The following CCDC57 variants were observed in gnomAD, a reference collection of about 807,000 sequenced individuals.
The protein encoded by CCDC57 is coiled-coil domain-containing protein 57.
CCDC57 carries 118 observed loss-of-function variants against 118.9 expected under a neutral mutation model. The observed-to-expected ratio is 0.99, with a 90% CI of 0.86 to 1.16. The LOEUF (loss-of-function observed/expected upper bound fraction) is 1.16. CCDC57 is among the 50% of genes most tolerant of loss of function. The pLI, the probability that CCDC57 is intolerant of heterozygous loss-of-function variation, is 0.00. For missense variants in CCDC57, 1,300 were observed against 1,320.7 expected (o/e 0.98, Z 0.24); for synonymous variants, 527 against 532.9 (o/e 0.99, Z 0.15).
At chr17:82,111,015 G>A (rs1326880050) in intron 19 of CCDC57, among the ~76,000 whole-genome samples, 1 of 152,058 alleles carries the variant, frequency 6.6e-6, no homozygotes, top group African/African-American at 2.4e-5. Context: ...ATATGTGCAG[G>A]AGTAGAAATA....
intron 16 of CCDC57, among the ~76,000 whole-genome samples, chr17:82,149,723 G>T (rs1448032374): frequency 6.6e-6 from 1 of 151,558 alleles, no homozygotes; most frequent in Non-Finnish European, 1.5e-5. Context: ...GACCCCAGGC[G>T]CACACCCAGA....
chr17:82,197,426 G>A (rs2048457271), intron 4 of CCDC57, among the ~76,000 whole-genome samples: 1 of 152,246 alleles, frequency 6.6e-6, no homozygotes, highest in African/African-American at 2.4e-5. Context: ...TGAGTCTCTT[G>A]GAGGTGTAGG....
rs148564632 is a variant in CCDC57 at position 82,113,750 on chromosome 17, T to G, written c.2900-11884A>C. The G allele has an allele frequency of 6.1e-4, 418 of 682,952 alleles. 1 individual carries two copies. In the East Asian group the frequency reaches 9.7e-3, roughly 16 times the overall value. The allele number at this position is 682,952 out of a possible 1,614,324, so 42.3% of individuals were successfully genotyped here. A position where few individuals can be genotyped will look rare whatever the true frequency, so the allele number is the denominator to read the frequency against. On this transcript the variant is annotated intron_variant, in intron 19 of 19. Transcript: ENST00000665763. ...GAGTTCGAGACCAGCCTGGGTGACA[T>G]AGTGAGACCCCATTTCTACAAAAAA...
At chr17:82,145,934 C>T (rs1006386247) in intron 16 of CCDC57, 9 of 341,128 alleles carry the variant, frequency 2.6e-5, no homozygotes, top group Non-Finnish European at 4.9e-5. Flanking sequence ...CGGCACCTCC[C>T]CCCACAGCCA....
chr17:82,138,151 T>C (rs997548489), intron 16 of CCDC57, among the ~76,000 whole-genome samples: 7 of 48,818 alleles, frequency 1.4e-4, no homozygotes, highest in Non-Finnish European at 3.0e-4. Flanking sequence ...GGATCTCTTT[T>C]TTTTTTTTTT....
intron 19 of CCDC57, among the ~76,000 whole-genome samples, chr17:82,123,822 G>A (rs1238591521): frequency 6.6e-6 from 1 of 152,064 alleles, no homozygotes; most frequent in Non-Finnish European, 1.5e-5. Flanking sequence ...AGGGAAACAT[G>A]AGGATGTTGA....
intron 14 of CCDC57, among the ~76,000 whole-genome samples, chr17:82,161,973 T>C (rs749745621): frequency 6.6e-6 from 1 of 151,260 alleles, no homozygotes; most frequent in Non-Finnish European, 1.5e-5. Flanking sequence ...TAAACTTTGT[T>C]ATATATTAAT....
chr17:82,174,536 G>T (rs1390375228), intron 11 of CCDC57, among the ~76,000 whole-genome samples: 1 of 152,134 alleles, frequency 6.6e-6, no homozygotes, highest in African/African-American at 2.4e-5. Flanking sequence ...ACCCCCTTCC[G>T]CAAGGAGTTG....
At chr17:82,178,525 G>A in exon 11 of CCDC57, 1 of 1,613,880 alleles carries the variant, frequency 6.2e-7, no homozygotes. Flanking sequence ...GCACGGCCTG[G>A]TCTCGTTCCA....
chr17:82,166,880 C>T (rs984356468), intron 13 of CCDC57, among the ~76,000 whole-genome samples: 2 of 152,034 alleles, frequency 1.3e-5, no homozygotes, highest in African/African-American at 4.8e-5. Context: ...CATACTACCA[C>T]ACTCCAGACT....
chr17:82,102,128 C>T (rs2034491631), intron 19 of CCDC57, among the ~76,000 whole-genome samples: 1 of 152,158 alleles, frequency 6.6e-6, no homozygotes, highest in African/African-American at 2.4e-5. Flanking sequence ...GGACATGTGG[C>T]TCTGAAAATG....
In CCDC57 at chr17:82,188,216, C is replaced by T. The variant is rs1452428561; in HGVS notation, c.1052+3G>A. 1 of 1,545,290 alleles carries T rather than the reference C, an allele frequency of 6.5e-7. No homozygotes were observed. The highest frequency in any genetic ancestry group is 1.2e-5 in the South Asian group (1 of 83,806). On this transcript the variant is annotated splice_donor_region_variant and intron_variant, in intron 8 of 19. Coordinates refer to ENST00000665763, the Ensembl canonical transcript of CCDC57. ...CTCTGGGTGGAGCCAAGCACACGCT[C>T]ACTGGTCAATGGCAGCGTCCTTCTC...
At chr17:82,122,700 C>T (rs1413763967) in intron 19 of CCDC57, among the ~76,000 whole-genome samples, 3 of 152,192 alleles carry the variant, frequency 2.0e-5, no homozygotes, top group African/African-American at 4.8e-5. Flanking sequence ...CTTCTGGCTT[C>T]GGTGCCCACC....
intron 15 of CCDC57, among the ~76,000 whole-genome samples, chr17:82,152,876 C>T (rs890498787): frequency 6.6e-6 from 1 of 152,228 alleles, no homozygotes; most frequent in African/African-American, 2.4e-5. Flanking sequence ...GCATGTGCCG[C>T]AGGTTCATGT....
intron 11 of CCDC57, among the ~76,000 whole-genome samples, chr17:82,176,685 C>A (rs1041825026): frequency 6.6e-6 from 1 of 152,214 alleles, no homozygotes; most frequent in African/African-American, 2.4e-5. Context: ...TCGTAGCCCC[C>A]ATGACCTGGT....
At chr17:82,151,231 T>A (rs1249131475) in intron 16 of CCDC57, among the ~76,000 whole-genome samples, 50 of 101,642 alleles carry the variant, frequency 4.9e-4, no homozygotes, top group Admixed American at 8.3e-4. Context: ...ACCCAGAACC[T>A]GGCACACACC....
chr17:82,178,366 C>T, intron 11 of CCDC57, 108 bp downstream of exon 10: 1 of 1,323,500 alleles, frequency 7.6e-7, no homozygotes, highest in Non-Finnish European at 1.0e-6. Flanking sequence ...TTAAAAAGAA[C>T]ACAACTGAAA....
chr17:82,109,718 G>A (rs1406295836), intron 19 of CCDC57, among the ~76,000 whole-genome samples: 12 of 151,902 alleles, frequency 7.9e-5, no homozygotes, highest in Admixed American at 5.9e-4. Flanking sequence ...TTAGCCGGGC[G>A]TGGTGGCGGG....
intron 19 of CCDC57, chr17:82,107,666 C>G (rs953434168): frequency 2.2e-6 from 1 of 459,628 alleles, no homozygotes; most frequent in Non-Finnish European, 4.5e-6. Context: ...GAAGAAACAC[C>G]CCCTGCTGTC....
Sources: allele counts gnomAD v4.1 joint callset (sites outside exome capture counted in the v4.1 genomes callset), GRCh38; gene constraint gnomAD v4.1.1; transcripts MANE v1.5; gene names NCBI Gene and HGNC (gene_info 2026-07-23, HGNC 2026-07-21).